Variants in ACAA2 observed in about 807,000 individuals in gnomAD.
The protein encoded by ACAA2 is 3-ketoacyl-CoA thiolase, mitochondrial.
A neutral mutation model predicts 44.8 loss-of-function variants in ACAA2; 35 were observed. The ratio of observed to expected loss-of-function variants is 0.78; its 90% CI spans 0.60 to 1.04. ACAA2 has a LOEUF of 1.04. Among genes scored for constraint, ACAA2 ranks in the 50% least tolerant of loss-of-function variants. The pLI is 0.00. For synonymous variants in ACAA2, 142 were observed against 166.5 expected (o/e 0.85, Z 1.13); for missense variants, 468 against 482.6 (o/e 0.97, Z 0.28).
chr18:49,783,961 C>T (rs1327957089), intron 9 of ACAA2, 30 bp from the exon 10 acceptor site: 1 of 1,579,116 alleles, frequency 6.3e-7, no homozygotes, highest in Non-Finnish European at 8.7e-7. Flanking sequence ...CTGAAATCTA[C>T]TCTAATAAAA....
chr18:49,802,320 T>C (rs2023560710), intron 2 of ACAA2, among the ~76,000 whole-genome samples: 1 of 152,146 alleles, frequency 6.6e-6, no homozygotes. Flanking sequence ...TCCCAGCACT[T>C]TGGGGGGCCG....
At chr18:49,801,814 A>ATATATATATATATATATATATC (rs1491158195) in intron 2 of ACAA2, among the ~76,000 whole-genome samples, 2 of 135,000 alleles carry the variant, frequency 1.5e-5, no homozygotes, top group African/African-American at 5.5e-5. Context: ...ATATATATAT[A>ATATATATATATATATATATATC]TCTTATCTTT....
intron 4 of ACAA2, among the ~76,000 whole-genome samples, chr18:49,794,863 C>T (rs757002655): frequency 3.3e-5 from 5 of 152,122 alleles, no homozygotes; most frequent in East Asian, 1.9e-4. Flanking sequence ...TTTCATCCTG[C>T]GCCTCAGTGA....
intron 2 of ACAA2, among the ~76,000 whole-genome samples, chr18:49,798,250 A>G (rs543614859): frequency 6.6e-6 from 1 of 152,344 alleles, no homozygotes; most frequent in East Asian, 1.9e-4. Context: ...TGAGGACTGC[A>G]TACTTAGGGA....
chr18:49,796,895 C>G (rs1232451973), intron 3 of ACAA2, among the ~76,000 whole-genome samples: 1 of 152,084 alleles, frequency 6.6e-6, no homozygotes, highest in Non-Finnish European at 1.5e-5. Flanking sequence ...GAATGTAAAT[C>G]TAGCAGGGTG....
chr18:49,800,669 G>A (rs1598799355), intron 2 of ACAA2, among the ~76,000 whole-genome samples: 1 of 152,142 alleles, frequency 6.6e-6, no homozygotes, highest in Admixed American at 6.5e-5. Context: ...GGTGCAAGAT[G>A]TGCTTTGTTA....
chr18:49,787,330 C>T lies in ACAA2; in HGVS notation c.915G>A (p.Lys305=). Residue 305 remains lysine (K), a synonymous_variant, in exon 8 of 10, where the codon AAG becomes AAA. Transcript: ENST00000285093. ...TGTCCTTAAGACTCAGTCCTGCTTTCTTCAGTGCCCCACTGATAGCAGGGA... is the reference window on the plus strand; with the variant it reads ...TGTCCTTAAGACTCAGTCCTGCTTTTTTCAGTGCCCCACTGATAGCAGGGA... ...GPVPAISGAL[K]KAGLSLKDMD... is the part of the protein sequence containing the mutation. The T allele has an allele frequency of 6.9e-7, 1 of 1,459,838 alleles. No individual in the cohort carries two copies. Among genetic ancestry groups the T allele is most frequent in the Non-Finnish European group, 9.0e-7 (1 of 1,105,816 alleles). 90.4% of individuals were successfully genotyped at this position (1,459,838 alleles called of 1,614,324 possible). A position where few individuals can be genotyped will look rare whatever the true frequency, so the allele number is the denominator to read the frequency against.
chr18:49,802,616 G>C (rs895144931), intron 2 of ACAA2, 71 bp downstream of exon 2: 45 of 1,375,308 alleles, frequency 3.3e-5, no homozygotes, highest in African/African-American at 1.3e-4. Flanking sequence ...ATTATGATAT[G>C]TTAAAGGAAT....
intron 5 of ACAA2, 116 bp from the exon 6 acceptor site, chr18:49,792,443 T>C (rs1038383755): frequency 2.5e-5 from 24 of 966,542 alleles, no homozygotes; most frequent in African/African-American, 3.4e-5. Context: ...TACTTTAATA[T>C]TGAGTCTTTA....
intron 1 of ACAA2, among the ~76,000 whole-genome samples, chr18:49,812,305 C>G (rs1487154251): frequency 1.3e-5 from 2 of 152,196 alleles, no homozygotes; most frequent in Admixed American, 1.3e-4. Flanking sequence ...TTCACAGGCA[C>G]CAAAAAGTTT....
intron 1 of ACAA2, among the ~76,000 whole-genome samples, chr18:49,804,194 A>G (rs549465209): frequency 6.6e-6 from 1 of 152,246 alleles, no homozygotes; most frequent in East Asian, 1.9e-4. Context: ...TACAGGCGTG[A>G]GTCACCCACT....
chr18:49,796,154 C>G (rs649447), intron 3 of ACAA2, among the ~76,000 whole-genome samples: 65,379 of 151,930 alleles, frequency 0.43, 14,747 homozygotes, highest in Middle Eastern at 0.56. Flanking sequence ...ATTCTTAACA[C>G]AATATAAATC....
At chr18:49,800,890 T>TAAAAAAAAA (rs5824805) in intron 2 of ACAA2, among the ~76,000 whole-genome samples, 1 of 121,126 alleles carries the variant, frequency 8.3e-6, no homozygotes. Flanking sequence ...GAATGATCAA[T>TAAAAAAAAA]AAAAAAAAAA....
intron 8 of ACAA2, chr18:49,786,462 T>G (rs1159322929): frequency 6.6e-6 from 1 of 152,234 alleles, no homozygotes; most frequent in Non-Finnish European, 1.5e-5. Flanking sequence ...TTTGAGGCTC[T>G]GAACTGTGAT....
chr18:49,794,449 G>A, intron 4 of ACAA2, 22 bp from the exon 5 acceptor site: 1 of 1,527,076 alleles, frequency 6.5e-7, no homozygotes, highest in Non-Finnish European at 8.8e-7. Flanking sequence ...CATTAATAAA[G>A]TGACTTGTTA....
Position 49,813,091 on chromosome 18 carries a change from T to G in ACAA2, c.16+378A>C, listed in dbSNP as rs544894914. On this transcript the variant is annotated intron_variant, in intron 1 of 9. Transcript: ENST00000285093. The stretch of plus-strand genomic sequence containing the variant: ...ACCGAGGCCGAGCGGCGGGCTCCTG[T>G]GCGCAGCTGCCCCGCAGCAGGCGCC... 4.2e-5 allele frequency: 8 copies of G among 188,934 alleles called. No homozygotes were observed. The East Asian group carries it at 9.6e-4, about 23-fold the overall frequency. 11.7% of individuals were successfully genotyped at this position (188,934 alleles called of 1,614,324 possible). A position where few individuals can be genotyped will look rare whatever the true frequency, so the allele number is the denominator to read the frequency against.
Position 49,783,951 on chromosome 18 carries a change from C to G in ACAA2, c.1110-20G>C. On this transcript the variant is annotated intron_variant, in intron 9 of 9. Transcript: ENST00000285093. ...CGACGCCTGAAAAAGAAAGCAGTGA[C>G]TGAAATCTACTCTAATAAAAAATCA... 1.3e-6 allele frequency: 2 copies of G among 1,596,826 alleles called. No individual in the cohort carries two copies. Among genetic ancestry groups the G allele is most frequent in the Non-Finnish European group, 1.7e-6 (2 of 1,164,404 alleles).
intron 7 of ACAA2, among the ~76,000 whole-genome samples, chr18:49,789,423 T>G (rs1598791854): frequency 6.6e-6 from 1 of 152,132 alleles, no homozygotes; most frequent in East Asian, 1.9e-4. Flanking sequence ...GCTGATACTG[T>G]GGGACATCTG....
chr18:49,785,141 C>A, intron 9 of ACAA2, 56 bp downstream of exon 9: 1 of 1,585,322 alleles, frequency 6.3e-7, no homozygotes, highest in Non-Finnish European at 8.6e-7. Context: ...AAGCCTAAAT[C>A]CATGCATTTC....
Sources: gnomAD v4.1 joint callset for allele counts (sites outside exome capture counted in the v4.1 genomes callset) on GRCh38, gnomAD v4.1.1 for gene constraint, MANE v1.5 for transcripts, NCBI Gene and HGNC (gene_info 2026-07-23, HGNC 2026-07-21) for gene names.